The following CA8 variants were observed in gnomAD, a reference collection of about 807,000 sequenced individuals.
CA8 encodes the protein carbonic anhydrase 8 (inactive).
CA8 carries 22 observed loss-of-function variants against 41.4 expected under a neutral mutation model. The ratio of observed to expected loss-of-function variants is 0.53; its 90% CI spans 0.38 to 0.76. The LOEUF (loss-of-function observed/expected upper bound fraction) is 0.76. CA8 is among the 30% of genes least tolerant of loss of function. The pLI is 0.00. For synonymous variants in CA8, 121 were observed against 130.6 expected, an observed-to-expected ratio of 0.93 and a Z score of 0.50; for missense variants, 270 against 352.8, an observed-to-expected ratio of 0.77 and a Z score of 1.88.
chr8:60,281,252 G>T lies in CA8; in HGVS notation c.-105C>A. 1 of 751,960 alleles carries T rather than the reference G, an allele frequency of 1.3e-6. No individual in the cohort carries two copies. Among genetic ancestry groups the T allele is most frequent in the Non-Finnish European group, 2.3e-6 (1 of 441,300 alleles). The allele number at this position is 751,960 out of a possible 1,614,324, so 46.6% of individuals were successfully genotyped here. On this transcript the variant is annotated 5_prime_UTR_variant, in exon 1 of 9. Coordinates refer to ENST00000317995, the MANE Select transcript of CA8 (RefSeq NM_004056.6). ...AGCGCGCGTGGGGGAGTGTGAGCAC[G>T]CGTGAGCGGCAGTGTGAGTGCGAGA...
intron 3 of CA8, among the ~76,000 whole-genome samples, chr8:60,257,912 T>C (rs1212989777): frequency 3.3e-5 from 5 of 152,166 alleles, no homozygotes; most frequent in Admixed American, 6.5e-5. Flanking sequence ...GTTAGGTGAG[T>C]GAGGTCTTTT....
At chr8:60,251,425 T>A (rs113746775) in intron 3 of CA8, among the ~76,000 whole-genome samples, 5 of 152,300 alleles carry the variant, frequency 3.3e-5, no homozygotes, top group African/African-American at 1.2e-4. Context: ...TAGCTTTGAG[T>A]TTAATTACAT....
rs1230784563 is a variant in CA8 at position 60,278,581 on chromosome 8, A to C, written c.292+1108T>G. Among the ~76,000 whole-genome samples the C allele has an allele frequency of 2.6e-5, 4 of 152,326 alleles. No individual in the cohort carries two copies. In the East Asian group the frequency reaches 7.7e-4, roughly 29 times the overall value. On this transcript the variant is annotated intron_variant, in intron 2 of 8. Coordinates refer to ENST00000317995, the MANE Select transcript of CA8 (RefSeq NM_004056.6). ...AAGCTAAACCCACACCCCCAAAAAA[A>C]TTCAAGTCGAAATTTCCATCTTAAA... is the stretch of plus-strand genomic sequence containing the variant.
chr8:60,271,046 T>C (rs1804053795), intron 2 of CA8, among the ~76,000 whole-genome samples: 1 of 152,062 alleles, frequency 6.6e-6, no homozygotes, highest in South Asian at 2.1e-4. Context: ...CAATAATAAA[T>C]ACAGTCATTA....
At chr8:60,275,930 T>A (rs1585938950) in intron 2 of CA8, among the ~76,000 whole-genome samples, 1 of 152,324 alleles carries the variant, frequency 6.6e-6, no homozygotes, top group Non-Finnish European at 1.5e-5. Context: ...AGCAATGTAA[T>A]CATGATGTCA....
At chr8:60,233,779 A>G (rs957053829) in intron 3 of CA8, among the ~76,000 whole-genome samples, 3 of 152,190 alleles carry the variant, frequency 2.0e-5, no homozygotes, top group Non-Finnish European at 2.9e-5. Context: ...TACTTCTCAC[A>G]GCAATATTTT....
At chr8:60,218,869 G>A (rs1221874871) in intron 7 of CA8, among the ~76,000 whole-genome samples, 2 of 152,100 alleles carry the variant, frequency 1.3e-5, no homozygotes, top group Admixed American at 6.5e-5. Context: ...AGTCTGACCT[G>A]GATGGGGCGG....
chr8:60,281,397 G>A lies in CA8; in HGVS notation c.-250C>T, dbSNP rs1804427630. On this transcript the variant is annotated 5_prime_UTR_variant, in exon 1 of 9. Transcript: ENST00000317995. The stretch of plus-strand genomic sequence containing the variant: ...CCAGCAGAGCGAGGGAGCGGCTGTG[G>A]CCTGGGGAGCGAGCGCCTGGCGAAT... 9.6e-6 allele frequency: 5 copies of A among 522,138 alleles called. No individual in the cohort carries two copies. The highest frequency in any genetic ancestry group is 2.0e-5 in the African/African-American group (1 of 48,928). 32.3% of individuals were successfully genotyped at this position (522,138 alleles called of 1,614,324 possible).
At chr8:60,220,996 G>C (rs975636791) in intron 7 of CA8, among the ~76,000 whole-genome samples, 3 of 152,114 alleles carry the variant, frequency 2.0e-5, no homozygotes, top group Admixed American at 2.0e-4. Flanking sequence ...CCTTCACTGC[G>C]AATCAGAAAC....
chr8:60,207,832 T>G (rs2130420544), intron 8 of CA8, among the ~76,000 whole-genome samples: 1 of 152,284 alleles, frequency 6.6e-6, no homozygotes, highest in East Asian at 1.9e-4. Context: ...CTCAGCTGAC[T>G]GCGGCCTCCA....
intron 7 of CA8, among the ~76,000 whole-genome samples, chr8:60,212,852 G>A (rs1806884654): frequency 6.6e-6 from 1 of 152,154 alleles, no homozygotes; most frequent in Non-Finnish European, 1.5e-5. Flanking sequence ...AACTTTGGGA[G>A]GTGACAGATA....
intron 8 of CA8, chr8:60,207,925 T>A (rs1322790947): frequency 6.6e-6 from 1 of 152,176 alleles, no homozygotes; most frequent in African/African-American, 2.4e-5. Context: ...CCAGCTAATT[T>A]TTAAATTGTT....
chr8:60,277,340 C>A (rs1038725788), intron 2 of CA8, among the ~76,000 whole-genome samples: 9 of 151,708 alleles, frequency 5.9e-5, no homozygotes, highest in Admixed American at 5.9e-4. Context: ...GAACCACAGG[C>A]AGAAAGAGTA....
chr8:60,223,371 C>T (rs1807315586), intron 6 of CA8, among the ~76,000 whole-genome samples: 1 of 152,124 alleles, frequency 6.6e-6, no homozygotes, highest in South Asian at 2.1e-4. Context: ...TGAATCACTG[C>T]AGCCTCAAAC....
At chr8:60,225,911 C>A (rs1053458671) in intron 5 of CA8, among the ~76,000 whole-genome samples, 1 of 152,252 alleles carries the variant, frequency 6.6e-6, no homozygotes, top group Admixed American at 6.5e-5. Context: ...ATCATGAGGT[C>A]AAGAGATCAA....
intron 1 of CA8, 88 bp downstream of exon 1, chr8:60,280,960 C>G: frequency 2.1e-6 from 2 of 932,408 alleles, no homozygotes; most frequent in Non-Finnish European, 1.7e-6. Context: ...GCTCGGAGCG[C>G]GCAGCGGCAG....
intron 3 of CA8, among the ~76,000 whole-genome samples, chr8:60,256,262 T>C (rs1162496149): frequency 6.6e-6 from 1 of 152,178 alleles, no homozygotes; most frequent in African/African-American, 2.4e-5. Flanking sequence ...GTAGGTAGAA[T>C]TTTAATATCC....
At chr8:60,260,921 G>A (rs1038523990) in intron 3 of CA8, among the ~76,000 whole-genome samples, 12 of 152,060 alleles carry the variant, frequency 7.9e-5, no homozygotes, top group African/African-American at 2.7e-4. Context: ...TATTAACCAG[G>A]CAAACTCTTC....
chr8:60,261,772 C>T (rs528764599), intron 3 of CA8, among the ~76,000 whole-genome samples: 2 of 152,278 alleles, frequency 1.3e-5, no homozygotes, highest in South Asian at 2.1e-4. Flanking sequence ...AGTGCAGTGG[C>T]GTGATGGTGG....
Sources: allele counts gnomAD v4.1 joint callset (sites outside exome capture counted in the v4.1 genomes callset), GRCh38; gene constraint gnomAD v4.1.1; transcripts MANE v1.5; gene names NCBI Gene and HGNC (gene_info 2026-07-23, HGNC 2026-07-21).